Variants in SLC7A11 observed in about 807,000 individuals in gnomAD.
The protein encoded by SLC7A11 is solute carrier family 7 member 11, also known as cystine/glutamate transporter.
In SLC7A11, 35 loss-of-function variants were observed where a neutral mutation model predicts 54.5. The ratio of observed to expected loss-of-function variants is 0.64; its 90% CI spans 0.49 to 0.85. The LOEUF (loss-of-function observed/expected upper bound fraction) is 0.85. Among genes scored for constraint, SLC7A11 ranks in the 40% least tolerant of loss-of-function variants. The pLI, the probability that SLC7A11 is intolerant of heterozygous loss-of-function variation, is 0.00. For missense variants in SLC7A11, 583 were observed against 618.1 expected, an observed-to-expected ratio of 0.94 and a Z score of 0.60; for synonymous variants, 230 against 225.2, an observed-to-expected ratio of 1.02 and a Z score of -0.19.
At chr4:138,220,483 A>G (rs977141387) in intron 4 of SLC7A11, among the ~76,000 whole-genome samples, 20 of 152,194 alleles carry the variant, frequency 1.3e-4, no homozygotes, top group Non-Finnish European at 2.5e-4. Flanking sequence ...TATTGAAAAG[A>G]TATTATAATG....
At chr4:138,212,714 T>C (rs1737580509) in intron 6 of SLC7A11, among the ~76,000 whole-genome samples, 1 of 151,552 alleles carries the variant, frequency 6.6e-6, no homozygotes, top group African/African-American at 2.4e-5. Context: ...CAAGATATGC[T>C]TAATATACAC....
At chr4:138,178,115 GATA>G (rs1255198341) in intron 11 of SLC7A11, 1 of 152,068 alleles carries the variant, frequency 6.6e-6, no homozygotes, top group African/African-American at 2.4e-5. Flanking sequence ...ATTAACTGGG[GATA>G]ATAATTTTCC....
chr4:138,194,394 G>A (rs529336576), intron 6 of SLC7A11, among the ~76,000 whole-genome samples: 1 of 152,160 alleles, frequency 6.6e-6, no homozygotes, highest in Middle Eastern at 3.4e-3. Context: ...AAGCTTTTGT[G>A]CATTCATTTT....
chr4:138,233,718 C>T (rs950076271), intron 2 of SLC7A11, among the ~76,000 whole-genome samples: 1 of 152,176 alleles, frequency 6.6e-6, no homozygotes, highest in African/African-American at 2.4e-5. Flanking sequence ...ATCATTTATA[C>T]AATTTTTTAT....
At chr4:138,182,817 A>G (rs936049123) in intron 8 of SLC7A11, among the ~76,000 whole-genome samples, 4 of 152,126 alleles carry the variant, frequency 2.6e-5, no homozygotes, top group Non-Finnish European at 5.9e-5. Flanking sequence ...TAAAACAAAA[A>G]GACTATTGCA....
At chr4:138,233,188 C>CTTT (rs34001412) in intron 2 of SLC7A11, among the ~76,000 whole-genome samples, 4 of 142,488 alleles carry the variant, frequency 2.8e-5, no homozygotes, top group East Asian at 2.1e-4. Context: ...TATCTAATTT[C>CTTT]TTTTTTTTTT....
rs1276105157 is a variant in SLC7A11, at chr4:138,222,911, T to G, written c.646+288A>C. Among the ~76,000 whole-genome samples the G allele has an allele frequency of 3.8e-5, 5 of 130,936 alleles. No individual in the cohort carries two copies. The East Asian group carries it at 1.5e-3, about 40-fold the overall frequency. 85.9% of individuals were successfully genotyped at this position (130,936 alleles called of 152,430 possible). A position where few individuals can be genotyped will look rare whatever the true frequency, so the allele number is the denominator to read the frequency against. ...TTTAATTAAAACTAAGTGGCAGGTT[T>G]TTTTTTTTTCCACTTCGAGTTTTCA... On this transcript the variant is annotated intron_variant, in intron 4 of 11. Transcript: ENST00000280612.
In SLC7A11 at chr4:138,171,897, A is replaced by T; in HGVS notation, c.*59T>A. On this transcript the variant is annotated 3_prime_UTR_variant, in exon 12 of 12. Transcript: ENST00000280612. ...TCTCTAGACTTTCAGAAAATGAAGT[A>T]AAAATCCCTATTTTGTGTCTCCCCT... 1 of 1,549,898 alleles carries T rather than the reference A, an allele frequency of 6.5e-7. No homozygotes were observed. Among genetic ancestry groups the T allele is most frequent in the Non-Finnish European group, 8.6e-7 (1 of 1,159,186 alleles).
At chr4:138,212,773 AAAT>A (rs1317572258) in intron 6 of SLC7A11, among the ~76,000 whole-genome samples, 1 of 151,906 alleles carries the variant, frequency 6.6e-6, no homozygotes, top group Non-Finnish European at 1.5e-5. Context: ...TTAAACTGTT[AAAT>A]AATATTAAAG....
In SLC7A11 at chr4:138,236,399, A is replaced by G. The variant is rs1738208378; in HGVS notation, c.330T>C (p.His110=). Residue 110 remains histidine, a synonymous_variant, in exon 2 of 12, where the codon CAT becomes CAC. Transcript: ENST00000280612. ...LGTTIKKSGG[H]YTYILEVFGP... is the part of the protein sequence containing the mutation. ...CAAAGACTTCCAAAATATATGTGTA[A>G]TGACCTCCAGATTTCTTTATAGTTG... The G allele has an allele frequency of 6.2e-7, 1 of 1,613,304 alleles. No homozygotes were observed. The highest frequency in any genetic ancestry group is 8.5e-7 in the Non-Finnish European group (1 of 1,179,404).
chr4:138,237,056 G>T (rs918564773), intron 1 of SLC7A11, among the ~76,000 whole-genome samples: 1 of 147,920 alleles, frequency 6.8e-6, no homozygotes, highest in African/African-American at 2.5e-5. Flanking sequence ...CGCGATCTCG[G>T]CTCACTGCAA....
Position 138,242,246 on chromosome 4 carries a change from T to C in SLC7A11, c.-177A>G. The C allele has an allele frequency of 2.9e-6, 2 of 681,502 alleles. No individual in the cohort carries two copies. The allele number at this position is 681,502 out of a possible 1,614,324, so 42.2% of individuals were successfully genotyped here. On this transcript the variant is annotated 5_prime_UTR_variant, in exon 1 of 12. Coordinates refer to ENST00000280612, the MANE Select transcript of SLC7A11 (RefSeq NM_014331.4). ...TGCTTTTTCCTTCACAGCGATCTAA[T>C]TACTACTCAGAAACACCTGTGTATG... is the stretch of plus-strand genomic sequence containing the variant.
At chr4:138,176,330 A>T (rs1410896114) in intron 11 of SLC7A11, 1 of 152,130 alleles carries the variant, frequency 6.6e-6, no homozygotes, top group Non-Finnish European at 1.5e-5. Context: ...GGTAAGACTT[A>T]ATGGCATTTT....
chr4:138,201,497 A>T (rs1190546093), intron 6 of SLC7A11, among the ~76,000 whole-genome samples: 1 of 152,148 alleles, frequency 6.6e-6, no homozygotes. Flanking sequence ...TTATAAAAAT[A>T]TTGTATGTTC....
intron 6 of SLC7A11, among the ~76,000 whole-genome samples, chr4:138,196,731 C>T (rs1376142891): frequency 6.6e-6 from 1 of 152,102 alleles, no homozygotes; most frequent in Non-Finnish European, 1.5e-5. Flanking sequence ...ACAATCTCGG[C>T]TCACTGCAAC....
intron 6 of SLC7A11, among the ~76,000 whole-genome samples, chr4:138,199,117 AC>A (rs1478779872): frequency 9.9e-5 from 15 of 152,102 alleles, no homozygotes; most frequent in African/African-American, 2.7e-4. Context: ...ATTATATAAC[AC>A]CAAAGTTAGG....
In SLC7A11 at chr4:138,242,105, A is replaced by C; in HGVS notation, c.-36T>G. The C allele has an allele frequency of 6.3e-7, 1 of 1,597,314 alleles. No individual in the cohort carries two copies. The highest frequency in any genetic ancestry group is 1.1e-5 in the South Asian group (1 of 89,854). ...CACGGGGGAAAAATAAAACAGAGGG[A>C]AAGAAAACAAAACTTTCAACTTTGG... On this transcript the variant is annotated 5_prime_UTR_variant, in exon 1 of 12. Transcript: ENST00000280612.
rs117872414 is a variant in SLC7A11 at position 138,206,499 on chromosome 4, G to A, written c.791+8086C>T. On this transcript the variant is annotated intron_variant, in intron 6 of 11. Coordinates refer to ENST00000280612, the MANE Select transcript of SLC7A11 (RefSeq NM_014331.4). ...CTATTATGAAAGAAAGTAAAGCATC[G>A]CCCTTCAAATTTTGCCTCATAGTGG... 9.0e-4 allele frequency among the ~76,000 whole-genome samples: 136 copies of A among 150,394 alleles called. No homozygotes were observed. The East Asian group carries it at 0.021, about 23-fold the overall frequency.
chr4:138,179,007 A>T (rs748393472), intron 11 of SLC7A11, among the ~76,000 whole-genome samples: 1 of 152,192 alleles, frequency 6.6e-6, no homozygotes, highest in Admixed American at 6.6e-5. Context: ...AGAAGTGATT[A>T]CAGCAGCCCA....
Sources: gnomAD v4.1 joint callset for allele counts (sites outside exome capture counted in the v4.1 genomes callset) on GRCh38, gnomAD v4.1.1 for gene constraint, MANE v1.5 for transcripts, NCBI Gene and HGNC (gene_info 2026-07-23, HGNC 2026-07-21) for gene names.